The following CCDC150 variants were observed in gnomAD, a reference collection of about 807,000 sequenced individuals.
CCDC150 encodes coiled-coil domain-containing protein 150.
In CCDC150, 151 loss-of-function variants were observed where a neutral mutation model predicts 156.5. That is an observed-to-expected ratio of 0.97 (90% CI 0.85 to 1.10). The LOEUF is 1.10. Ranked by LOEUF, CCDC150 falls within the 50% of genes least tolerant of loss-of-function variation. CCDC150 has a pLI of 0.00. For synonymous variants in CCDC150, 452 were observed against 429.4 expected, an observed-to-expected ratio of 1.05 and a Z score of -0.65; for missense variants, 1,312 against 1,268.1, an observed-to-expected ratio of 1.03 and a Z score of -0.53.
intron 2 of CCDC150, among the ~76,000 whole-genome samples, chr2:196,650,102 G>A (rs74991697): frequency 0.015 from 2,318 of 152,268 alleles, 17 homozygotes; most frequent in Middle Eastern, 0.024. Context: ...GCTTCTCACC[G>A]TTGAGCATGA....
chr2:196,679,198 C>T (rs1160069296), intron 13 of CCDC150, among the ~76,000 whole-genome samples: 1 of 151,998 alleles, frequency 6.6e-6, no homozygotes, highest in East Asian at 1.9e-4. Context: ...GAAATTCACC[C>T]TTTTTTAGTG....
At chr2:196,661,043 G>A (rs1164362929) in intron 5 of CCDC150, among the ~76,000 whole-genome samples, 1 of 152,174 alleles carries the variant, frequency 6.6e-6, no homozygotes, top group East Asian at 1.9e-4. Context: ...AGCACCATTT[G>A]TTGAAAAGAC....
Position 196,718,641 on chromosome 2 carries a change from C to T in CCDC150, c.1995+10C>T. The stretch of plus-strand genomic sequence containing the variant: ...CAGGGAAAACAAGAAGGCAAGGAAT[C>T]AGTCCCTTCTGACCGTCTGTCACTG... On this transcript the variant is annotated intron_variant, in intron 18 of 27. Transcript: ENST00000389175. 1 of 1,612,438 alleles carries T rather than the reference C, an allele frequency of 6.2e-7. No homozygotes were observed. Among genetic ancestry groups the T allele is most frequent in the Non-Finnish European group, 8.5e-7 (1 of 1,179,062 alleles).
chr2:196,703,456 A>C (rs1204953473), intron 15 of CCDC150, among the ~76,000 whole-genome samples: 1 of 152,162 alleles, frequency 6.6e-6, no homozygotes, highest in Non-Finnish European at 1.5e-5. Flanking sequence ...AAAGATCTTA[A>C]TTTTCTTGAG....
chr2:196,651,113 A>G lies in CCDC150; in HGVS notation c.176+4609A>G, dbSNP rs572833481. ...TTATTCTGAGGATTACAAAAAACAC[A>G]GTAGGCTATTTTAAGGTGATAACAA... is the stretch of plus-strand genomic sequence containing the variant. On this transcript the variant is annotated intron_variant, in intron 2 of 27. Coordinates refer to ENST00000389175, the MANE Select transcript of CCDC150 (RefSeq NM_001080539.2). Among the ~76,000 whole-genome samples, 3 of 152,350 alleles carry G rather than the reference A, an allele frequency of 2.0e-5. No homozygotes were observed. The South Asian group carries it at 6.2e-4, about 32-fold the overall frequency.
At chr2:196,647,609 C>T (rs1233845204) in intron 2 of CCDC150, among the ~76,000 whole-genome samples, 2 of 151,626 alleles carry the variant, frequency 1.3e-5, no homozygotes, top group Non-Finnish European at 2.9e-5. Context: ...ATTCTTTTTC[C>T]TTTTTTTATA....
intron 13 of CCDC150, among the ~76,000 whole-genome samples, chr2:196,694,134 G>A (rs538451262): frequency 7.8e-5 from 11 of 141,282 alleles, no homozygotes; most frequent in Non-Finnish European, 1.4e-4. Context: ...TCAGCTCACC[G>A]CAACCTCTGC....
At chr2:196,681,710 T>G (rs899759540) in intron 13 of CCDC150, among the ~76,000 whole-genome samples, 6 of 152,210 alleles carry the variant, frequency 3.9e-5, no homozygotes, top group African/African-American at 1.4e-4. Flanking sequence ...ATTTCCATAG[T>G]AACTAATGAC....
At position 196,726,247 on chromosome 2, in the gene CCDC150, G is replaced by A. The variant is rs879244801; in HGVS notation, c.2556+148G>A. 7.2e-6 allele frequency: 6 copies of A among 832,920 alleles called. No individual in the cohort carries two copies. In the South Asian group the frequency reaches 1.2e-4, roughly 17 times the overall value. 51.6% of individuals were successfully genotyped at this position (832,920 alleles called of 1,614,324 possible). A position where few individuals can be genotyped will look rare whatever the true frequency, so the allele number is the denominator to read the frequency against. On this transcript the variant is annotated intron_variant, in intron 22 of 27. Transcript: ENST00000389175. ...GATGTAATTAAGACCTCTCTGTAAA[G>A]CAACACACAAGAAAAAAGTTTCTGA...
At chr2:196,725,407 C>T (rs1698156392) in intron 21 of CCDC150, among the ~76,000 whole-genome samples, 1 of 152,136 alleles carries the variant, frequency 6.6e-6, no homozygotes, top group African/African-American at 2.4e-5. Context: ...TCAGGCAATT[C>T]CAGCATCCTC....
chr2:196,732,348 GTC>G (rs1698566953), intron 27 of CCDC150, 96 bp from the exon 28 acceptor site: 1 of 1,118,144 alleles, frequency 8.9e-7, no homozygotes, highest in South Asian at 1.4e-5. Flanking sequence ...AGAATCACTT[GTC>G]TTCATGAATA....
intron 8 of CCDC150, among the ~76,000 whole-genome samples, chr2:196,671,136 G>A (rs1002476697): frequency 2.6e-5 from 4 of 152,086 alleles, no homozygotes; most frequent in African/African-American, 7.2e-5. Context: ...AATGTATAAT[G>A]ACATATATCT....
intron 22 of CCDC150, among the ~76,000 whole-genome samples, chr2:196,728,417 G>T (rs572747016): frequency 1.3e-5 from 2 of 152,252 alleles, no homozygotes; most frequent in South Asian, 4.2e-4. Context: ...TGTGTTAAAT[G>T]CTACCATCCA....
chr2:196,703,424 A>G (rs142735845), intron 15 of CCDC150, among the ~76,000 whole-genome samples: 49 of 152,342 alleles, frequency 3.2e-4, no homozygotes, highest in Middle Eastern at 3.4e-3. Context: ...TTTAAATATT[A>G]TCTACATTTA....
At chr2:196,690,276 A>G (rs1695381815) in intron 13 of CCDC150, among the ~76,000 whole-genome samples, 1 of 152,026 alleles carries the variant, frequency 6.6e-6, no homozygotes, top group African/African-American at 2.4e-5. Context: ...AGATATACCT[A>G]ATGCTAAATG....
At chr2:196,697,967 G>T (rs191319741) in intron 14 of CCDC150, among the ~76,000 whole-genome samples, 72 of 152,212 alleles carry the variant, frequency 4.7e-4, no homozygotes, top group Non-Finnish European at 9.0e-4. Flanking sequence ...ATATTCTAAT[G>T]TTTGGTATCT....
intron 13 of CCDC150, among the ~76,000 whole-genome samples, chr2:196,693,137 CT>C (rs1304734222): frequency 6.6e-6 from 1 of 152,130 alleles, no homozygotes; most frequent in Non-Finnish European, 1.5e-5. Context: ...GCAACCCCTG[CT>C]TTTTTCTGTT....
chr2:196,642,847 C>T (rs564083623), intron 1 of CCDC150, among the ~76,000 whole-genome samples: 41 of 152,284 alleles, frequency 2.7e-4, no homozygotes, highest in African/African-American at 9.9e-4. Flanking sequence ...TCAAGTGATC[C>T]TCCTGCGTCA....
At chr2:196,677,111 T>C (rs2125617682) in intron 12 of CCDC150, 182 bp from the exon 13 acceptor site, 2 of 704,464 alleles carry the variant, frequency 2.8e-6, no homozygotes, top group Middle Eastern at 4.6e-4. Context: ...CTTTCTAATT[T>C]CAGGGCTATT....
Sources: gnomAD v4.1 joint callset for allele counts (sites outside exome capture counted in the v4.1 genomes callset) on GRCh38, gnomAD v4.1.1 for gene constraint, MANE v1.5 for transcripts, NCBI Gene and HGNC (gene_info 2026-07-23, HGNC 2026-07-21) for gene names.